PRKDC: variants seen among roughly 807,000 people sequenced by gnomAD.
PRKDC encodes DNA-dependent protein kinase catalytic subunit.
Under a neutral mutation model 486.9 loss-of-function variants are expected in PRKDC, and 82 were observed. The ratio of observed to expected loss-of-function variants is 0.17; its 90% confidence interval spans 0.14 to 0.20. The LOEUF (loss-of-function observed/expected upper bound fraction) is 0.20. PRKDC is among the 10% of genes least tolerant of loss of function. PRKDC has a pLI of 1.00. For missense variants in PRKDC, 4,504 were observed against 5,038.2 expected, an observed-to-expected ratio of 0.89 and a Z score of 3.21; for synonymous variants, 1,895 against 1,837.0, an observed-to-expected ratio of 1.03 and a Z score of -0.81.
chr8:47,881,702 G>A (rs2089222308), intron 37 of PRKDC, among the ~76,000 whole-genome samples, 182 bp from the exon 38 acceptor site: 2 of 152,068 alleles, frequency 1.3e-5, no homozygotes, highest in South Asian at 4.1e-4. Flanking sequence ...TACATGCAAA[G>A]GTACTTTAAA....
In PRKDC at chr8:47,953,915, T is replaced by C; in HGVS notation, c.513A>G (p.Leu171=). 1 of 1,520,812 alleles carries C rather than the reference T, an allele frequency of 6.6e-7. No individual in the cohort carries two copies. Among genetic ancestry groups the C allele is most frequent in the Non-Finnish European group, 8.9e-7 (1 of 1,128,040 alleles). The allele number at this position is 1,520,812 out of a possible 1,614,324, so 94.2% of individuals were successfully genotyped here. ...ATCCTAGGAGCTCATATACTTTTTC[T>C]AAAACTGAAAAGAAAATTTTAGACA... The part of the protein sequence containing the change: ...ALKKKIPDTV[L]EKVYELLGLL... Residue 171 remains leucine (L), a synonymous_variant, in exon 6 of 86, where the codon TTA becomes TTG. Coordinates refer to ENST00000314191, the MANE Select transcript of PRKDC (RefSeq NM_006904.7).
At chr8:47,859,900 T>A (rs759706015) in intron 45 of PRKDC, 141 bp from the exon 46 acceptor site, 22 of 896,448 alleles carry the variant, frequency 2.5e-5, no homozygotes, top group Non-Finnish European at 3.3e-5. Flanking sequence ...TAACCTATTA[T>A]CCAGATTAAG....
Position 47,852,773 on chromosome 8 carries a change from G to C in PRKDC, c.6905C>G (p.Ala2302Gly). ...CGIQSSEYFQALVNNMSFVRY... is the reference protein window; with the variant it reads ...CGIQSSEYFQGLVNNMSFVRY... ...TACAAAGGACATATTATTCACCAAA[G>C]CCTGGAAGTATCTACAATAAACACA... The change falls in exon 52 of 86, where the codon GCT (alanine) becomes GGT (glycine). Residue 2302 changes from alanine (A) to glycine (G), a missense_variant. Around this residue, in one of 6 missense-constraint regions of PRKDC, gnomAD observed 1,592 missense variants for 1,724.6 expected, o/e 0.92. Transcript: ENST00000314191. The C allele has an allele frequency of 6.4e-7, 1 of 1,562,650 alleles. No homozygotes were observed. The highest frequency in any genetic ancestry group is 8.7e-7 in the Non-Finnish European group (1 of 1,151,388).
intron 40 of PRKDC, among the ~76,000 whole-genome samples, chr8:47,871,566 C>A (rs1458665733): frequency 6.6e-6 from 1 of 152,128 alleles, no homozygotes; most frequent in Non-Finnish European, 1.5e-5. Flanking sequence ...ATAAATGCTA[C>A]AAGAAATGAT....
rs192388329 is a variant in PRKDC, at chr8:47,887,298, G to A, written c.4572+249C>T. Among the ~76,000 whole-genome samples, 170 of 152,236 alleles carry A rather than the reference G, an allele frequency of 1.1e-3. 2 individuals are homozygous for A. Among genetic ancestry groups the A allele is most frequent in the Admixed American group, 2.9e-3 (44 of 15,290 alleles). On this transcript the variant is annotated intron_variant, in intron 35 of 85. Transcript: ENST00000314191. Reference sequence around the variant, plus strand: ...CTTCATAGTCACAAAACGTTCTCTAGCTAATTCCTTTTGGAAACAAAGTGG... The same window carrying A: ...CTTCATAGTCACAAAACGTTCTCTAACTAATTCCTTTTGGAAACAAAGTGG...
rs2090671083 is a variant in PRKDC at position 47,954,420 on chromosome 8, T to C, written c.426A>G (p.Arg142=). The change falls in exon 5 of 86, where the codon AGA becomes AGG. Residue 142 remains arginine, a synonymous_variant. Transcript: ENST00000314191. ...IKLLQTFRSS[R]LMDEFKIGEL... is the part of the protein sequence containing the mutation. The stretch of plus-strand genomic sequence containing the variant: ...CTCCAATTTTAAATTCATCCATGAG[T>C]CTAGAACTTCTAAAAGTCTGAAGTA... 5 of 1,357,436 alleles carry C rather than the reference T, an allele frequency of 3.7e-6. No individual in the cohort carries two copies. The highest frequency in any genetic ancestry group is 5.0e-6 in the Non-Finnish European group (5 of 1,002,110). 84.1% of individuals were successfully genotyped at this position (1,357,436 alleles called of 1,614,324 possible). A position where few individuals can be genotyped will look rare whatever the true frequency, so the allele number is the denominator to read the frequency against.
Position 47,934,000 on chromosome 8 carries a change from G to C in PRKDC, c.1588C>G (p.Leu530Val). The C allele has an allele frequency of 6.2e-7, 1 of 1,613,340 alleles. No homozygotes were observed. The highest frequency in any genetic ancestry group is 8.5e-7 in the Non-Finnish European group (1 of 1,179,794). The change falls in exon 15 of 86, where the codon CTC (leucine) becomes GTC (valine). Residue 530 changes from leucine (L) to valine (V), a missense_variant. Physicochemically the swap from Leu to Val is conservative, Grantham distance 32 (BLOSUM62 1). Around this residue, in one of 6 missense-constraint regions of PRKDC, gnomAD observed 1,969 missense variants for 2,068.9 expected, o/e 0.95. Coordinates refer to ENST00000314191, the MANE Select transcript of PRKDC (RefSeq NM_006904.7). ...TCAGAGCTCAGGAGATGTCTGAAGAGATCCACGTAGTCTTTGTATGTGGGC... is the reference window on the plus strand; with the variant it reads ...TCAGAGCTCAGGAGATGTCTGAAGACATCCACGTAGTCTTTGTATGTGGGC... ...KVPTYKDYVD[L>V]FRHLLSSDQM...
Position 47,888,626 on chromosome 8 carries a change from G to C in PRKDC, c.4305C>G (p.Asn1435Lys). The C allele has an allele frequency of 1.3e-6, 2 of 1,594,206 alleles. No individual in the cohort carries two copies. Among genetic ancestry groups the C allele is most frequent in the Non-Finnish European group, 1.7e-6 (2 of 1,170,432 alleles). The change falls in exon 34 of 86, where the codon AAC becomes AAG. Residue 1435 changes from asparagine to lysine, a missense_variant. Asn to Lys is a moderately conservative substitution (Grantham distance 94). This residue lies in a region of PRKDC where 1,969 missense variants were observed against 2,068.9 expected (regional missense o/e 0.95). Transcript: ENST00000314191. ...CCACTTGCGCGTCAGGGCCATACAAGTTGACGGCACAAAGCTCCTCAATGC... is the reference window on the plus strand; with the variant it reads ...CCACTTGCGCGTCAGGGCCATACAACTTGACGGCACAAAGCTCCTCAATGC... ...AQSIEELCAV[N>K]LYGPDAQVDR...
rs995167551 is a variant in PRKDC at position 47,852,906 on chromosome 8, G to C, written c.6894-122C>G. ...CCTAAGTTGAGGAAATCTAAATATA[G>C]AATGTGATGCAAATTCCATGCACAA... On this transcript the variant is annotated intron_variant, in intron 51 of 85. Transcript: ENST00000314191. 1.5e-5 allele frequency: 10 copies of C among 673,774 alleles called. No individual in the cohort carries two copies. In the Admixed American group the frequency reaches 2.6e-4, roughly 18 times the overall value. The allele number at this position is 673,774 out of a possible 1,614,324, so 41.7% of individuals were successfully genotyped here. A position where few individuals can be genotyped will look rare whatever the true frequency, so the allele number is the denominator to read the frequency against.
Position 47,777,803 on chromosome 8 carries a change from T to C in PRKDC, c.11925A>G (p.Lys3975=). 2 of 1,614,020 alleles carry C rather than the reference T, an allele frequency of 1.2e-6. No individual in the cohort carries two copies. Among genetic ancestry groups the C allele is most frequent in the Non-Finnish European group, 1.7e-6 (2 of 1,179,894 alleles). The part of the protein sequence containing the change: ...RQFINLMLPM[K]ETGLMYSIMV... ...TGATGCTGTACATAAGGCCCGTTTC[T>C]TTCATTGGTAACATCAGATTGATAA... Residue 3975 remains lysine (K), a synonymous_variant, in exon 84 of 86, where the codon AAA becomes AAG. Transcript: ENST00000314191.
At chr8:47,878,338 C>G (rs954719465) in intron 39 of PRKDC, among the ~76,000 whole-genome samples, 8 of 152,098 alleles carry the variant, frequency 5.3e-5, no homozygotes, top group South Asian at 4.1e-4. Flanking sequence ...ATCTCCTGAC[C>G]TGGTGATCTG....
Position 47,839,242 on chromosome 8 carries a change from G to A in PRKDC, c.7459C>T (p.Pro2487Ser), listed in dbSNP as rs760340924. Residue 2487 changes from proline to serine, a missense_variant, in exon 56 of 86, where the codon CCA (proline) becomes TCA (serine). Pro to Ser is a moderately conservative substitution (Grantham distance 74, BLOSUM62 -1). Around this residue, in one of 6 missense-constraint regions of PRKDC, gnomAD observed 1,592 missense variants for 1,724.6 expected, o/e 0.92. Transcript: ENST00000314191. ...GAGTCATTATCTGTCTCACTTTCTG[G>A]ATCTCTGCTTGAGAAAACAGCAAAA... ...LMWIHDNYRD[P>S]ESETDNDSQE... is the part of the protein sequence containing the mutation. The A allele has an allele frequency of 8.1e-5, 130 of 1,611,368 alleles. No homozygotes were observed. The highest frequency in any genetic ancestry group is 1.0e-4 in the Non-Finnish European group (120 of 1,178,036).
intron 17 of PRKDC, among the ~76,000 whole-genome samples, chr8:47,930,373 T>C (rs888197295): frequency 1.3e-5 from 2 of 152,116 alleles, no homozygotes; most frequent in African/African-American, 2.4e-5. Flanking sequence ...CCCGGGTTCA[T>C]GCCATTCTCC....
intron 20 of PRKDC, 149 bp from the exon 21 acceptor site, chr8:47,927,502 G>A (rs2090173490): frequency 1.9e-6 from 2 of 1,037,874 alleles, no homozygotes; most frequent in South Asian, 1.8e-5. Context: ...AGGTAATTAG[G>A]AGGAAAGCAA....
At chr8:47,775,200 TAAA>T (rs1421128799) in intron 85 of PRKDC, among the ~76,000 whole-genome samples, 81 of 150,778 alleles carry the variant, frequency 5.4e-4, no homozygotes, top group African/African-American at 1.9e-3. Context: ...AATAAATAAA[TAAA>T]TAAATAAATA....
chr8:47,845,205 C>T (rs558875074), intron 54 of PRKDC, among the ~76,000 whole-genome samples: 21 of 152,066 alleles, frequency 1.4e-4, no homozygotes, highest in Middle Eastern at 3.4e-3. Context: ...CTGGGCAACA[C>T]GGTGAGACTC....
intron 46 of PRKDC, 134 bp from the exon 47 acceptor site, chr8:47,859,120 T>C: frequency 1.0e-6 from 1 of 952,470 alleles, no homozygotes; most frequent in Non-Finnish European, 1.6e-6. Flanking sequence ...CTGGTAATAA[T>C]ATCAAATACA....
intron 73 of PRKDC, among the ~76,000 whole-genome samples, 168 bp downstream of exon 73, chr8:47,798,069 G>A (rs561175715): frequency 6.6e-6 from 1 of 152,310 alleles, no homozygotes; most frequent in African/African-American, 2.4e-5. Context: ...GCGAAAACTC[G>A]TTTTTGCAGC....
chr8:47,814,351 G>A lies in PRKDC; in HGVS notation c.9557+3099C>T, dbSNP rs79661518. On this transcript the variant is annotated intron_variant, in intron 68 of 85. Coordinates refer to ENST00000314191, the MANE Select transcript of PRKDC (RefSeq NM_006904.7). ...AGCACGTATATTCAAGATTGTACTT[G>A]AGGTCCTCATGGTTTTAACAAAGCA... is the stretch of plus-strand genomic sequence containing the variant. Among the ~76,000 whole-genome samples the A allele has an allele frequency of 2.2e-3, 330 of 152,260 alleles. 2 individuals are homozygous for A. The highest frequency in any genetic ancestry group is 3.7e-3 in the Non-Finnish European group (251 of 68,022).
Sources: allele counts gnomAD v4.1 joint callset (sites outside exome capture counted in the v4.1 genomes callset), GRCh38; gene constraint gnomAD v4.1.1; regional missense constraint gnomAD v4.1.1; transcripts MANE v1.5; gene names NCBI Gene and HGNC (gene_info 2026-07-23, HGNC 2026-07-21).